The following PLEKHF1 variants were observed in gnomAD, a reference collection of about 807,000 sequenced individuals.
PLEKHF1 encodes the protein pleckstrin homology and FYVE domain containing 1.
PLEKHF1 carries 1 observed loss-of-function variant against 4.1 expected under a neutral mutation model. That is an observed-to-expected ratio of 0.24 (90% CI 0.09 to 1.15). The LOEUF is 1.15. PLEKHF1 is among the 50% of genes most tolerant of loss of function. PLEKHF1 has a pLI of 0.52. For synonymous variants in PLEKHF1, 182 were observed against 178.5 expected (o/e 1.02, Z -0.16); for missense variants, 429 against 400.6 (o/e 1.07, Z -0.60).
chr19:29,674,473 G>A lies in PLEKHF1; in HGVS notation c.634G>A (p.Ala212Thr), dbSNP rs2083529133. ...RVCSLCYRELAAQQRQEEAEE... is the reference protein window; with the variant it reads ...RVCSLCYRELTAQQRQEEAEE... ...CTGCAGCCTCTGCTACCGCGAACTG[G>A]CCGCCCAGCAGCGGCAGGAGGAGGC... The change falls in exon 2 of 2, where the codon GCC (alanine) becomes ACC (threonine). Residue 212 changes from alanine to threonine, a missense_variant. Coordinates refer to ENST00000436066, the MANE Select transcript of PLEKHF1 (RefSeq NM_024310.5). 6.5e-6 allele frequency: 10 copies of A among 1,542,022 alleles called. No homozygotes were observed. Among genetic ancestry groups the A allele is most frequent in the Non-Finnish European group, 7.8e-6 (9 of 1,147,214 alleles).
chr19:29,674,558 G>T lies in PLEKHF1; in HGVS notation c.719G>T (p.Gly240Val). The T allele has an allele frequency of 1.3e-6, 2 of 1,595,372 alleles. No individual in the cohort carries two copies. The highest frequency in any genetic ancestry group is 2.3e-5 in the East Asian group (1 of 43,796). ...QPAHLARPIC[G>V]ASSGDDDDSD... is the part of the protein sequence containing the mutation. ...GCCCACCTGGCCCGGCCCATCTGCG[G>T]AGCGTCCAGTGGAGATGACGATGAC... The change falls in exon 2 of 2, where the codon GGA (glycine) becomes GTA (valine). Residue 240 changes from glycine (G) to valine (V), a missense_variant. Physicochemically the swap from Gly to Val is moderately radical, Grantham distance 109. Coordinates refer to ENST00000436066, the MANE Select transcript of PLEKHF1 (RefSeq NM_024310.5).
At chr19:29,673,483 C>T (rs940508076) in intron 1 of PLEKHF1, among the ~76,000 whole-genome samples, 12 of 151,946 alleles carry the variant, frequency 7.9e-5, no homozygotes, top group African/African-American at 2.7e-4. Context: ...CTCCTGGGCT[C>T]GAGCCTCCTC....
intron 1 of PLEKHF1, among the ~76,000 whole-genome samples, chr19:29,669,956 G>A (rs1362551413): frequency 6.6e-6 from 1 of 151,762 alleles, no homozygotes; most frequent in East Asian, 1.9e-4. Context: ...TTTCTGAGAC[G>A]GAACTCACTG....
intron 1 of PLEKHF1, among the ~76,000 whole-genome samples, chr19:29,673,383 C>T (rs1232240867): frequency 5.0e-5 from 7 of 138,890 alleles, no homozygotes; most frequent in African/African-American, 1.5e-4. Context: ...GTAGCCGGCT[C>T]AGTAGCACTT....
chr19:29,674,267 C>T lies in PLEKHF1; in HGVS notation c.428C>T (p.Thr143Met), dbSNP rs749753306. 3.1e-6 allele frequency: 5 copies of T among 1,602,728 alleles called. No homozygotes were observed. Among genetic ancestry groups the T allele is most frequent in the African/African-American group, 1.3e-5 (1 of 74,940 alleles). ...AGGGCCACGGGCCGCCCGCCCAGCACGGAGCACGCGGCACCCTGGATCCCC... is the reference window on the plus strand; with the variant it reads ...AGGGCCACGGGCCGCCCGCCCAGCATGGAGCACGCGGCACCCTGGATCCCC... ...QLRATGRPPS[T>M]EHAAPWIPDK... Residue 143 changes from threonine to methionine, a missense_variant, in exon 2 of 2, where the codon ACG (threonine) becomes ATG (methionine). Coordinates refer to ENST00000436066, the MANE Select transcript of PLEKHF1 (RefSeq NM_024310.5).
intron 1 of PLEKHF1, among the ~76,000 whole-genome samples, chr19:29,669,566 A>G (rs1228832982): frequency 3.9e-5 from 6 of 152,210 alleles, no homozygotes; most frequent in Admixed American, 3.9e-4. Context: ...ATCATGAGAC[A>G]TGCTCAGCGG....
chr19:29,670,591 G>A (rs1334176063), intron 1 of PLEKHF1, among the ~76,000 whole-genome samples: 1 of 152,192 alleles, frequency 6.6e-6, no homozygotes, highest in East Asian at 1.9e-4. Context: ...ATGAACATGG[G>A]AAAGCAGATA....
At chr19:29,667,635 A>AC (rs1971583977) in intron 1 of PLEKHF1, among the ~76,000 whole-genome samples, 1 of 142,106 alleles carries the variant, frequency 7.0e-6, no homozygotes, top group African/African-American at 2.8e-5. Flanking sequence ...CCCCCACCCC[A>AC]TCCCCCACCG....
At position 29,674,184 on chromosome 19, in the gene PLEKHF1, C is replaced by A. The variant is rs532429370; in HGVS notation, c.345C>A (p.Ser115=). 3.1e-6 allele frequency: 5 copies of A among 1,613,240 alleles called. No individual in the cohort carries two copies. The highest frequency in any genetic ancestry group is 1.7e-5 in the Admixed American group (1 of 60,024). The change falls in exon 2 of 2, where the codon TCC becomes TCA. Residue 115 remains serine (S), a synonymous_variant. Coordinates refer to ENST00000436066, the MANE Select transcript of PLEKHF1 (RefSeq NM_024310.5). ...AKKSFVVSAA[S]ATERQEWISH... ...AGTCCTTTGTGGTGTCGGCCGCCTC[C>A]GCTACGGAGCGCCAGGAATGGATTA...
chr19:29,668,587 G>A (rs936615768), intron 1 of PLEKHF1, among the ~76,000 whole-genome samples: 1 of 151,970 alleles, frequency 6.6e-6, no homozygotes, highest in Non-Finnish European at 1.5e-5. Context: ...AGGCATGTTG[G>A]TGCATGCCTG....
intron 1 of PLEKHF1, 93 bp downstream of exon 1, chr19:29,665,598 C>G (rs1216842090): frequency 3.3e-6 from 4 of 1,220,450 alleles, no homozygotes; most frequent in South Asian, 1.4e-5. Context: ...CAAGCGAGCT[C>G]TCTCCCGCCG....
intron 1 of PLEKHF1, 63 bp downstream of exon 1, chr19:29,665,568 CT>C (rs1345840148): frequency 8.0e-7 from 1 of 1,247,848 alleles, no homozygotes; most frequent in Admixed American, 2.6e-5. Context: ...TGAGGCGAGT[CT>C]CCCATCACCA....
rs150335048 is a variant in PLEKHF1, at chr19:29,667,350, G to A, written c.-17+1845G>A. ...CTGGCAAGAAGTGTGCATTCCTGAA[G>A]GGCCTGGTCTCCAGCTCCCGGCTGT... is the stretch of plus-strand genomic sequence containing the variant. On this transcript the variant is annotated intron_variant, in intron 1 of 1. Transcript: ENST00000436066. Among the ~76,000 whole-genome samples the A allele has an allele frequency of 3.4e-3, 518 of 152,336 alleles. 2 individuals are homozygous for A. Among genetic ancestry groups the A allele is most frequent in the African/African-American group, 0.012 (490 of 41,564 alleles).
chr19:29,670,068 A>G (rs527748708), intron 1 of PLEKHF1, among the ~76,000 whole-genome samples: 154 of 152,170 alleles, frequency 1.0e-3, no homozygotes, highest in African/African-American at 3.6e-3. Flanking sequence ...AGTAGCAGGG[A>G]TTGTAGGTAC....
chr19:29,672,400 G>C (rs960562441), intron 1 of PLEKHF1, among the ~76,000 whole-genome samples: 1 of 152,184 alleles, frequency 6.6e-6, no homozygotes, highest in Admixed American at 6.5e-5. Flanking sequence ...ACCAATGCTT[G>C]TCCTGGGTGT....
intron 1 of PLEKHF1, among the ~76,000 whole-genome samples, chr19:29,673,313 C>T (rs138026472): frequency 1.1e-4 from 16 of 152,200 alleles, no homozygotes; most frequent in South Asian, 2.1e-4. Flanking sequence ...AGGCCTGTTC[C>T]GCCCTGTTTT....
intron 1 of PLEKHF1, chr19:29,665,718 A>C: frequency 9.1e-7 from 1 of 1,097,386 alleles, no homozygotes; most frequent in Non-Finnish European, 1.1e-6. Context: ...ACCTGCAGGG[A>C]GCCTGGGGAG....
chr19:29,665,524 C>A lies in PLEKHF1; in HGVS notation c.-17+19C>A. On this transcript the variant is annotated intron_variant, in intron 1 of 1. Transcript: ENST00000436066. Reference sequence around the variant, plus strand: ...GCAGAAGGTGAGTCCCCCCACCGTCCCCCGGCCGGGCTGCGGGTCGCGGGG... The same window carrying A: ...GCAGAAGGTGAGTCCCCCCACCGTCACCCGGCCGGGCTGCGGGTCGCGGGG... 1 of 1,246,012 alleles carries A rather than the reference C, an allele frequency of 8.0e-7. No homozygotes were observed. Among genetic ancestry groups the A allele is most frequent in the Non-Finnish European group, 1.0e-6 (1 of 968,078 alleles). The allele number at this position is 1,246,012 out of a possible 1,614,324, so 77.2% of individuals were successfully genotyped here.
intron 1 of PLEKHF1, among the ~76,000 whole-genome samples, chr19:29,673,068 G>T (rs1319380579): frequency 6.6e-6 from 1 of 152,242 alleles, no homozygotes; most frequent in Non-Finnish European, 1.5e-5. Flanking sequence ...CTCCTGTAAA[G>T]TGGGGATTCT....
Sources: gnomAD v4.1 joint callset for allele counts (sites outside exome capture counted in the v4.1 genomes callset) on GRCh38, gnomAD v4.1.1 for gene constraint, MANE v1.5 for transcripts, NCBI Gene and HGNC (gene_info 2026-07-23, HGNC 2026-07-21) for gene names.